The following CTNNA3 variants were observed in gnomAD, a reference collection of about 807,000 sequenced individuals.
CTNNA3 encodes catenin alpha 3, also known as catenin alpha-3.
In CTNNA3, 76 loss-of-function variants were observed where a neutral mutation model predicts 95.7. The ratio of observed to expected loss-of-function variants is 0.79; its 90% CI spans 0.66 to 0.96. CTNNA3 has a LOEUF of 0.96. CTNNA3 is among the 40% of genes least tolerant of loss of function. The pLI, the probability that CTNNA3 is intolerant of heterozygous loss-of-function variation, is 0.00. For synonymous variants in CTNNA3, 431 were observed against 374.4 expected (o/e 1.15, Z -1.74); for missense variants, 1,191 against 1,089.8 (o/e 1.09, Z -1.31).
intron 9 of CTNNA3, among the ~76,000 whole-genome samples, chr10:66,721,635 T>C (rs1219687340): frequency 6.6e-6 from 1 of 152,170 alleles, no homozygotes; most frequent in East Asian, 1.9e-4. Context: ...TCTGGGTTGC[T>C]AAGAAAATAC....
intron 13 of CTNNA3, among the ~76,000 whole-genome samples, chr10:66,274,066 G>A (rs1023973386): frequency 6.6e-6 from 1 of 152,118 alleles, no homozygotes; most frequent in Non-Finnish European, 1.5e-5. Context: ...TTTCGTAAAG[G>A]CTAAAACAAA....
At chr10:67,380,518 G>C (rs1843901816) in intron 5 of CTNNA3, among the ~76,000 whole-genome samples, 3 of 152,184 alleles carry the variant, frequency 2.0e-5, no homozygotes, top group Admixed American at 2.0e-4. Context: ...ATAGGTAATA[G>C]GGAGGAAACA....
intron 1 of CTNNA3, among the ~76,000 whole-genome samples, chr10:67,703,117 A>T (rs1278749112): frequency 1.3e-5 from 2 of 152,236 alleles, no homozygotes; most frequent in African/African-American, 4.8e-5. Context: ...CAGGCTCTGA[A>T]ATTGTGGCAA....
At chr10:67,697,463 A>G (rs1292354393), upstream of CTNNA3, among the ~76,000 whole-genome samples, 1 of 152,196 alleles carries the variant, frequency 6.6e-6, no homozygotes, top group Non-Finnish European at 1.5e-5. Context: ...GAGATATCCA[A>G]ATTCTATCAT....
At chr10:67,299,012 T>A (rs1840157434) in intron 5 of CTNNA3, among the ~76,000 whole-genome samples, 1 of 152,034 alleles carries the variant, frequency 6.6e-6, no homozygotes, top group South Asian at 2.1e-4. Context: ...GATTTTCCTG[T>A]CTCAGCCTCC....
At chr10:66,769,811 C>G (rs1236927292) in intron 8 of CTNNA3, among the ~76,000 whole-genome samples, 1 of 152,190 alleles carries the variant, frequency 6.6e-6, no homozygotes, top group Non-Finnish European at 1.5e-5. Flanking sequence ...TCCTCAAGCT[C>G]TCATTGCCTA....
At chr10:66,009,336 C>T (rs991543745) in intron 15 of CTNNA3, among the ~76,000 whole-genome samples, 1 of 152,036 alleles carries the variant, frequency 6.6e-6, no homozygotes, top group African/African-American at 2.4e-5. Context: ...ATGGGTCGCA[C>T]TTAAGGAGGG....
intron 7 of CTNNA3, among the ~76,000 whole-genome samples, chr10:67,121,726 T>C (rs1859470494): frequency 6.6e-6 from 1 of 151,842 alleles, no homozygotes; most frequent in African/African-American, 2.4e-5. Context: ...CAAGTGCTAA[T>C]GTCAATTGAC....
At chr10:66,759,487 A>G (rs1398782412) in intron 9 of CTNNA3, among the ~76,000 whole-genome samples, 1 of 152,194 alleles carries the variant, frequency 6.6e-6, no homozygotes, top group African/African-American at 2.4e-5. Context: ...CGTTTATTCA[A>G]TAATTCATTC....
intron 2 of CTNNA3, among the ~76,000 whole-genome samples, chr10:67,641,930 C>T (rs1298221290): frequency 6.6e-6 from 1 of 152,082 alleles, no homozygotes; most frequent in Admixed American, 6.6e-5. Context: ...ATGGGTGCAG[C>T]ACACCAACAT....
intron 2 of CTNNA3, among the ~76,000 whole-genome samples, chr10:67,609,687 T>C (rs1054327050): frequency 6.6e-6 from 1 of 152,212 alleles, no homozygotes; most frequent in Non-Finnish European, 1.5e-5. Flanking sequence ...GGTAAAGTAT[T>C]TTGGAAAATG....
intron 7 of CTNNA3, among the ~76,000 whole-genome samples, chr10:66,936,675 G>A (rs1429335347): frequency 6.6e-6 from 1 of 152,106 alleles, no homozygotes; most frequent in Non-Finnish European, 1.5e-5. Context: ...AGTCAACTCT[G>A]AGATGTCTGC....
chr10:67,011,173 C>CA (rs1178220014), intron 7 of CTNNA3, among the ~76,000 whole-genome samples: 2 of 151,758 alleles, frequency 1.3e-5, no homozygotes, highest in Non-Finnish European at 2.9e-5. Context: ...ACTAAAAATA[C>CA]AAAAAATAAA....
chr10:67,372,384 C>A lies in CTNNA3; in HGVS notation c.579+149458G>T, dbSNP rs563232718. Reference sequence around the variant, plus strand: ...AGGTCTAACATTTAAGTCTTTAATCCATATTGAATTATGAAATGAAGCGTG... The same window carrying A: ...AGGTCTAACATTTAAGTCTTTAATCAATATTGAATTATGAAATGAAGCGTG... On this transcript the variant is annotated intron_variant, in intron 5 of 17. Coordinates refer to ENST00000433211, the MANE Select transcript of CTNNA3 (RefSeq NM_013266.4). Among the ~76,000 whole-genome samples the A allele has an allele frequency of 5.9e-5, 9 of 151,906 alleles. No homozygotes were observed. In the South Asian group the frequency reaches 1.9e-3, roughly 32 times the overall value.
chr10:67,332,464 T>G (rs935617963), intron 5 of CTNNA3, among the ~76,000 whole-genome samples: 50 of 152,170 alleles, frequency 3.3e-4, no homozygotes, highest in African/African-American at 1.1e-3. Context: ...ACTGTAGAGA[T>G]AGATTTCTGT....
intron 7 of CTNNA3, among the ~76,000 whole-genome samples, chr10:66,958,119 A>G (rs1848918060): frequency 6.6e-6 from 1 of 152,110 alleles, no homozygotes; most frequent in African/African-American, 2.4e-5. Flanking sequence ...AACATTAAGA[A>G]TCTGAGCCAG....
At chr10:66,720,529 T>C (rs899926257) in intron 9 of CTNNA3, among the ~76,000 whole-genome samples, 1 of 152,030 alleles carries the variant, frequency 6.6e-6, no homozygotes, top group African/African-American at 2.4e-5. Flanking sequence ...AGAAGGAAGG[T>C]AGGCAAAGGA....
At chr10:66,429,086 C>A (rs549188915) in intron 11 of CTNNA3, among the ~76,000 whole-genome samples, 27 of 151,604 alleles carry the variant, frequency 1.8e-4, no homozygotes, top group Non-Finnish European at 3.7e-4. Flanking sequence ...CCACCGATCC[C>A]ACAGAAATAC....
chr10:67,319,223 C>T (rs1347343187), intron 5 of CTNNA3, among the ~76,000 whole-genome samples: 1 of 152,184 alleles, frequency 6.6e-6, no homozygotes, highest in African/African-American at 2.4e-5. Flanking sequence ...TGTGACTTCA[C>T]TAAAAGAAGT....
Sources: gnomAD v4.1 joint callset for allele counts (sites outside exome capture counted in the v4.1 genomes callset) on GRCh38, gnomAD v4.1.1 for gene constraint, MANE v1.5 for transcripts, NCBI Gene and HGNC (gene_info 2026-07-23, HGNC 2026-07-21) for gene names.